Variants in GNL1 observed in about 807,000 individuals in gnomAD.
The protein encoded by GNL1 is guanine nucleotide-binding protein-like 1.
In GNL1, 21 loss-of-function variants were observed where a neutral mutation model predicts 75.2. The ratio of observed to expected loss-of-function variants is 0.28; its 90% CI spans 0.20 to 0.40. The LOEUF is 0.40. GNL1 is among the 10% of genes least tolerant of loss of function. The pLI is 1.00. For synonymous variants in GNL1, 287 were observed against 303.4 expected (o/e 0.95, Z 0.56); for missense variants, 579 against 775.0 (o/e 0.75, Z 3.00).
chr6:30,556,329 A>AGCGG lies in GNL1; in HGVS notation c.-130_-127dup. The AGCGG allele has an allele frequency of 9.2e-7, 1 of 1,087,908 alleles. No homozygotes were observed. The highest frequency in any genetic ancestry group is 1.3e-6 in the Non-Finnish European group (1 of 744,392). 67.4% of individuals were successfully genotyped at this position (1,087,908 alleles called of 1,614,324 possible). ...GGAGGCGGGGCTAGCAGGTGACGTC[A>AGCGG]GCGGGCGGGCCCGACAGAATTACCG... On this transcript the variant is annotated 5_prime_UTR_variant, in exon 1 of 12. Coordinates refer to ENST00000376621, the MANE Select transcript of GNL1 (RefSeq NM_005275.5). The surrounding 1 kb of genome is among the most constrained non-coding windows in gnomAD (Gnocchi z 5.7).
In GNL1 at chr6:30,555,304, C is replaced by T; in HGVS notation, c.240-113G>A. 2 of 1,315,022 alleles carry T rather than the reference C, an allele frequency of 1.5e-6. No individual in the cohort carries two copies. Among genetic ancestry groups the T allele is most frequent in the Non-Finnish European group, 2.1e-6 (2 of 935,100 alleles). The allele number at this position is 1,315,022 out of a possible 1,614,324, so 81.5% of individuals were successfully genotyped here. On this transcript the variant is annotated intron_variant, in intron 2 of 11. Transcript: ENST00000376621. This position sits in a 1 kb window ranked among gnomAD's most constrained non-coding sequence, Gnocchi z 4.3. Reference sequence around the variant, plus strand: ...CCATTCTCTCCAGAGTCGTTCAAGTCTCCTCTCTCAAGTCAGACTTCCCCC... The same window carrying T: ...CCATTCTCTCCAGAGTCGTTCAAGTTTCCTCTCTCAAGTCAGACTTCCCCC...
chr6:30,553,670 C>A lies in GNL1; in HGVS notation c.601-113G>T, dbSNP rs999246466. The stretch of plus-strand genomic sequence containing the variant: ...GAGACAAGGCCCTGGTGGTAGCAGA[C>A]TCTGGGCTAAAAACTATAAACCAGA... On this transcript the variant is annotated intron_variant, in intron 5 of 11. Coordinates refer to ENST00000376621, the MANE Select transcript of GNL1 (RefSeq NM_005275.5). 419 of 714,626 alleles carry A rather than the reference C, an allele frequency of 5.9e-4. 6 individuals carry two copies. Among genetic ancestry groups the A allele is most frequent in the Non-Finnish European group, 1.1e-4 (44 of 403,084 alleles). 44.3% of individuals were successfully genotyped at this position (714,626 alleles called of 1,614,324 possible).
In GNL1 at chr6:30,556,256, T is replaced by C. The variant is rs1292882650; in HGVS notation, c.-53A>G. 3.2e-6 allele frequency: 5 copies of C among 1,581,834 alleles called. No individual in the cohort carries two copies. The highest frequency in any genetic ancestry group is 4.3e-6 in the Non-Finnish European group (5 of 1,171,100). ...TCCGCCGAGCTCCCGCCGCCTCAACTGACTGCCCCCCGGGGCAGCCCCCGC... is the reference window on the plus strand; with the variant it reads ...TCCGCCGAGCTCCCGCCGCCTCAACCGACTGCCCCCCGGGGCAGCCCCCGC... On this transcript the variant is annotated 5_prime_UTR_variant, in exon 1 of 12. Coordinates refer to ENST00000376621, the MANE Select transcript of GNL1 (RefSeq NM_005275.5). The surrounding 1 kb of genome is among the most constrained non-coding windows in gnomAD (Gnocchi z 5.7).
At position 30,548,004 on chromosome 6, in the gene GNL1, C is replaced by T. The variant is rs551464097; in HGVS notation, c.1100-474G>A. Among the ~76,000 whole-genome samples, 197 of 152,092 alleles carry T rather than the reference C, an allele frequency of 1.3e-3. 1 individual carries two copies. The highest frequency in any genetic ancestry group is 4.5e-3 in the African/African-American group (188 of 41,474). On this transcript the variant is annotated intron_variant, in intron 8 of 11. Coordinates refer to ENST00000376621, the MANE Select transcript of GNL1 (RefSeq NM_005275.5). This position sits in a 1 kb window ranked among gnomAD's most constrained non-coding sequence, Gnocchi z 4.2. ...CAGCCTGGCCAACATGGTGAAACCC[C>T]ATCTCTACTAAAAATACAAAAATTA...
Position 30,556,311 on chromosome 6 carries a change from G to A in GNL1, c.-108C>T. ...GGGGCCCGGGACCCTAGAGGAGGCG[G>A]GGCTAGCAGGTGACGTCAGCGGGCG... On this transcript the variant is annotated 5_prime_UTR_variant, in exon 1 of 12. Transcript: ENST00000376621. This position sits in a 1 kb window ranked among gnomAD's most constrained non-coding sequence, Gnocchi z 5.7. The A allele has an allele frequency of 1.5e-6, 2 of 1,292,156 alleles. No individual in the cohort carries two copies. The highest frequency in any genetic ancestry group is 2.2e-6 in the Non-Finnish European group (2 of 919,144). 80.0% of individuals were successfully genotyped at this position (1,292,156 alleles called of 1,614,324 possible).
chr6:30,547,454 C>T lies in GNL1; in HGVS notation c.1176G>A (p.Pro392=), dbSNP rs777151041. The T allele has an allele frequency of 8.1e-6, 13 of 1,613,792 alleles. No individual in the cohort carries two copies. The highest frequency in any genetic ancestry group is 5.5e-5 in the South Asian group (5 of 91,056). ...GRKVVSVSRT[P]GHTRYFQTYF... ...AGGTCTGAAAGTATCGGGTATGGCC[C>T]GGGGTTCTGGAGACACTCACGACTT... The change falls in exon 9 of 12, where the codon CCG becomes CCA. Residue 392 remains proline, a synonymous_variant. Coordinates refer to ENST00000376621, the MANE Select transcript of GNL1 (RefSeq NM_005275.5). The surrounding 1 kb of genome is among the most constrained non-coding windows in gnomAD (Gnocchi z 5.5).
In GNL1 at chr6:30,547,707, T is replaced by C; in HGVS notation, c.1100-177A>G. ...ATCCTGGCCCTTCCACTTACCAGCT[T>C]TGTGATGTCAGGGCAACTAACTTTC... On this transcript the variant is annotated intron_variant, in intron 8 of 11. Coordinates refer to ENST00000376621, the MANE Select transcript of GNL1 (RefSeq NM_005275.5). The surrounding 1 kb of genome is among the most constrained non-coding windows in gnomAD (Gnocchi z 5.5). 2 of 598,558 alleles carry C rather than the reference T, an allele frequency of 3.3e-6. No individual in the cohort carries two copies. Among genetic ancestry groups the C allele is most frequent in the South Asian group, 4.4e-5 (2 of 45,376 alleles). The allele number at this position is 598,558 out of a possible 1,614,324, so 37.1% of individuals were successfully genotyped here. A position where few individuals can be genotyped will look rare whatever the true frequency, so the allele number is the denominator to read the frequency against.
In GNL1 at chr6:30,546,870, C is replaced by T; in HGVS notation, c.1442-34G>A. 1 of 1,556,890 alleles carries T rather than the reference C, an allele frequency of 6.4e-7. No homozygotes were observed. Among genetic ancestry groups the T allele is most frequent in the Non-Finnish European group, 8.8e-7 (1 of 1,142,602 alleles). On this transcript the variant is annotated intron_variant, in intron 10 of 11. Coordinates refer to ENST00000376621, the MANE Select transcript of GNL1 (RefSeq NM_005275.5). The surrounding 1 kb of genome is among the most constrained non-coding windows in gnomAD (Gnocchi z 5.1). ...AGAAAAGAATAATGGAAAGGGAAAG[C>T]ATTAACCAGGTACCAGTTATACTCC...
chr6:30,544,570 T>C lies in GNL1; in HGVS notation c.*1502A>G, dbSNP rs997794094. On this transcript the variant is annotated 3_prime_UTR_variant, in exon 12 of 12. Transcript: ENST00000376621. ...GATTTTTCTCTCAGCTGGGACCTTT[T>C]CTCTTTCTTGTCTAGCACATTTTGG... The C allele has an allele frequency of 4.6e-5, 7 of 152,234 alleles. No individual in the cohort carries two copies. Among genetic ancestry groups the C allele is most frequent in the African/African-American group, 1.4e-4 (6 of 41,446 alleles). 9.4% of individuals were successfully genotyped at this position (152,234 alleles called of 1,614,324 possible).
At position 30,547,104 on chromosome 6, in the gene GNL1, G is replaced by T; in HGVS notation, c.1441+8C>A. On this transcript the variant is annotated splice_region_variant and intron_variant, in intron 10 of 11. Coordinates refer to ENST00000376621, the MANE Select transcript of GNL1 (RefSeq NM_005275.5). The surrounding 1 kb of genome is among the most constrained non-coding windows in gnomAD (Gnocchi z 5.5). ...CAGGTGGGGCGAAGCCAGGCACATG[G>T]AACTCACCTTCACAGATGTCCCAGG... 6.2e-7 allele frequency: 1 copy of T among 1,610,054 alleles called. No individual in the cohort carries two copies. The highest frequency in any genetic ancestry group is 8.5e-7 in the Non-Finnish European group (1 of 1,178,482).
Position 30,548,936 on chromosome 6 carries a change from T to C in GNL1, c.1100-1406A>G, listed in dbSNP as rs1305043022. On this transcript the variant is annotated intron_variant, in intron 8 of 11. Coordinates refer to ENST00000376621, the MANE Select transcript of GNL1 (RefSeq NM_005275.5). This position sits in a 1 kb window ranked among gnomAD's most constrained non-coding sequence, Gnocchi z 4.2. The stretch of plus-strand genomic sequence containing the variant: ...TACAAAAAAATGCACAGAACATACA[T>C]GTGCAGCCTGATGAACCCCATACCA... Among the ~76,000 whole-genome samples the C allele has an allele frequency of 1.3e-5, 2 of 152,160 alleles. No individual in the cohort carries two copies. The highest frequency in any genetic ancestry group is 6.5e-5 in the Admixed American group (1 of 15,274).
Position 30,546,378 on chromosome 6 carries a change from A to G in GNL1, c.1583-65T>C, listed in dbSNP as rs907878705. 3 of 982,338 alleles carry G rather than the reference A, an allele frequency of 3.1e-6. No individual in the cohort carries two copies. The highest frequency in any genetic ancestry group is 1.4e-5 in the South Asian group (1 of 70,620). 60.9% of individuals were successfully genotyped at this position (982,338 alleles called of 1,614,324 possible). A position where few individuals can be genotyped will look rare whatever the true frequency, so the allele number is the denominator to read the frequency against. On this transcript the variant is annotated intron_variant, in intron 11 of 11. Coordinates refer to ENST00000376621, the MANE Select transcript of GNL1 (RefSeq NM_005275.5). The surrounding 1 kb of genome is among the most constrained non-coding windows in gnomAD (Gnocchi z 5.1). The stretch of plus-strand genomic sequence containing the variant: ...GAGCAAGAACTAAAGCCAAGGAAAG[A>G]TGGGGAAGAGGCAAAGACTAGGAAT...
intron 5 of GNL1, 135 bp downstream of exon 5, chr6:30,554,440 C>A: frequency 1.4e-6 from 1 of 705,618 alleles, no homozygotes; most frequent in Non-Finnish European, 2.6e-6. Flanking sequence ...TTCCTAACTG[C>A]GGACATCAGC....
rs1195715165 is a variant in GNL1 at position 30,552,426 on chromosome 6, C to A, written c.1099+41G>T. The A allele has an allele frequency of 1.3e-6, 2 of 1,530,502 alleles. No individual in the cohort carries two copies. Among genetic ancestry groups the A allele is most frequent in the East Asian group, 2.3e-5 (1 of 44,236 alleles). 94.8% of individuals were successfully genotyped at this position (1,530,502 alleles called of 1,614,324 possible). A position where few individuals can be genotyped will look rare whatever the true frequency, so the allele number is the denominator to read the frequency against. ...CTTCTCCGAATATGAAAACTCTGTA[C>A]CTCCTTGGAGGCCACCACGCACAAG... On this transcript the variant is annotated intron_variant, in intron 8 of 11. Coordinates refer to ENST00000376621, the MANE Select transcript of GNL1 (RefSeq NM_005275.5). This position sits in a 1 kb window ranked among gnomAD's most constrained non-coding sequence, Gnocchi z 4.5.
rs770847074 is a variant in GNL1 at position 30,553,354 on chromosome 6, A to G, written c.804T>C (p.Ser268=). Residue 268 remains serine (S), a synonymous_variant, in exon 6 of 12, where the codon AGT becomes AGC. Transcript: ENST00000376621. ...CCTCTCTCATTGCCCACTCACCACTACTAGGGTCCTGTGGGGTGCGGGGGT... is the reference window on the plus strand; with the variant it reads ...CCTCTCTCATTGCCCACTCACCACTGCTAGGGTCCTGTGGGGTGCGGGGGT... ...PRDPRTPQDP[S]SVLKKSRRRG... is the part of the protein sequence containing the mutation. 3.1e-6 allele frequency: 5 copies of G among 1,609,426 alleles called. No individual in the cohort carries two copies. The Admixed American group carries it at 5.0e-5, about 16-fold the overall frequency.
Position 30,552,781 on chromosome 6 carries a change from T to C in GNL1, c.905-120A>G. On this transcript the variant is annotated intron_variant, in intron 7 of 11. Coordinates refer to ENST00000376621, the MANE Select transcript of GNL1 (RefSeq NM_005275.5). This position sits in a 1 kb window ranked among gnomAD's most constrained non-coding sequence, Gnocchi z 4.5. ...CCTCTGGAGTTGTACAGTGCCAACC[T>C]AAATAAGAGCAGGTCAGAGAATCTC... 1 of 855,890 alleles carries C rather than the reference T, an allele frequency of 1.2e-6. No homozygotes were observed. The highest frequency in any genetic ancestry group is 1.8e-6 in the Non-Finnish European group (1 of 559,730). The allele number at this position is 855,890 out of a possible 1,614,324, so 53.0% of individuals were successfully genotyped here. A position where few individuals can be genotyped will look rare whatever the true frequency, so the allele number is the denominator to read the frequency against.
rs751856702 is a variant in GNL1 at position 30,547,372 on chromosome 6, G to A, written c.1258C>T (p.Leu420Phe). ...CATACCTGCAACTGCCTAGGCAGAA[G>A]AGATGGGAAGATGAGGCCTGGGCAG... is the stretch of plus-strand genomic sequence containing the variant. ...CDCPGLIFPS[L>F]LPRQLQVLAG... is the part of the protein sequence containing the mutation. The change falls in exon 9 of 12, where the codon CTT becomes TTT. Residue 420 changes from leucine (L) to phenylalanine (F), a missense_variant. Physicochemically the swap from Leu to Phe is conservative, Grantham distance 22. Transcript: ENST00000376621. The surrounding 1 kb of genome is among the most constrained non-coding windows in gnomAD (Gnocchi z 5.5). The A allele has an allele frequency of 1.9e-6, 3 of 1,610,222 alleles. No homozygotes were observed. The African/African-American group carries it at 4.0e-5, about 22-fold the overall frequency.
rs949112349 is a variant in GNL1, at chr6:30,544,725, C to T, written c.*1347G>A. ...AATATGTGGCCAAACACCTTAGCCT[C>T]TTTAAATATACTTTCCTTTGCTCCT... On this transcript the variant is annotated 3_prime_UTR_variant, in exon 12 of 12. Coordinates refer to ENST00000376621, the MANE Select transcript of GNL1 (RefSeq NM_005275.5). 8 of 152,228 alleles carry T rather than the reference C, an allele frequency of 5.3e-5. No individual in the cohort carries two copies. Among genetic ancestry groups the T allele is most frequent in the African/African-American group, 1.4e-4 (6 of 41,454 alleles). The allele number at this position is 152,228 out of a possible 1,614,324, so 9.4% of individuals were successfully genotyped here. A position where few individuals can be genotyped will look rare whatever the true frequency, so the allele number is the denominator to read the frequency against.
In GNL1 at chr6:30,543,522, T is replaced by C. The variant is rs1799285875; in HGVS notation, c.*2550A>G. On this transcript the variant is annotated 3_prime_UTR_variant, in exon 12 of 12. Coordinates refer to ENST00000376621, the MANE Select transcript of GNL1 (RefSeq NM_005275.5). Reference sequence around the variant, plus strand: ...TAGTACTAACCATCTTATTTAGTTATGACAGTTCAATAGAAACACGTAAAA... The same window carrying C: ...TAGTACTAACCATCTTATTTAGTTACGACAGTTCAATAGAAACACGTAAAA... The C allele has an allele frequency of 6.6e-6, 1 of 152,230 alleles. No individual in the cohort carries two copies. Among genetic ancestry groups the C allele is most frequent in the African/African-American group, 2.4e-5 (1 of 41,468 alleles). The allele number at this position is 152,230 out of a possible 1,614,324, so 9.4% of individuals were successfully genotyped here. A position where few individuals can be genotyped will look rare whatever the true frequency, so the allele number is the denominator to read the frequency against.
Sources: gnomAD v4.1 joint callset for allele counts (sites outside exome capture counted in the v4.1 genomes callset) on GRCh38, gnomAD v4.1.1 for gene constraint, Gnocchi (gnomAD v3.1) non-coding constraint, MANE v1.5 for transcripts, NCBI Gene and HGNC (gene_info 2026-07-23, HGNC 2026-07-21) for gene names.